Variants in GPAT4 observed in about 807,000 individuals in gnomAD.
GPAT4 encodes 1-AGP acyltransferase 6.
GPAT4 carries 17 observed loss-of-function variants against 58.0 expected under a neutral mutation model. The ratio of observed to expected loss-of-function variants is 0.29; its 90% CI spans 0.20 to 0.44. The LOEUF (loss-of-function observed/expected upper bound fraction) is 0.44, where lower values mean the gene tolerates loss of function less well. GPAT4 is among the 20% of genes least tolerant of loss of function. GPAT4 has a pLI of 1.00. For synonymous variants in GPAT4, 204 were observed against 210.1 expected (o/e 0.97, Z 0.25); for missense variants, 377 against 574.5 (o/e 0.66, Z 3.51).
intron 5 of GPAT4, among the ~76,000 whole-genome samples, chr8:41,611,568 C>T (rs367927842): frequency 1.3e-5 from 2 of 152,184 alleles, no homozygotes; most frequent in Non-Finnish European, 2.9e-5. Context: ...TCTGCCTGGG[C>T]GGGTGAGGAG....
chr8:41,620,997 C>T lies in GPAT4; in HGVS notation c.1367C>T (p.Ser456Phe). Residue 456 changes from serine (S) to phenylalanine (F), a missense_variant, in exon 13 of 13, where the codon TCC becomes TTC. Ser to Phe is a radical substitution (Grantham distance 155). Coordinates refer to ENST00000396987, the MANE Select transcript of GPAT4 (RefSeq NM_178819.4). ...GGGAACCACAAGGACAGGAGCCGCT[C>T]CTGAGCCTGCCTCCAGCTGGCTGGG... Reference protein sequence around the residue: ...IVGNHKDRSRS With the variant: ...IVGNHKDRSRF 1 of 1,550,958 alleles carries T rather than the reference C, an allele frequency of 6.4e-7. No individual in the cohort carries two copies. The highest frequency in any genetic ancestry group is 8.7e-7 in the Non-Finnish European group (1 of 1,147,032).
intron 1 of GPAT4, among the ~76,000 whole-genome samples, chr8:41,580,835 A>G (rs1006382486): frequency 6.6e-6 from 1 of 152,162 alleles, no homozygotes; most frequent in Non-Finnish European, 1.5e-5. Context: ...TTGTGTGTCT[A>G]TTTTGTGTTT....
chr8:41,618,548 C>G, intron 10 of GPAT4, 136 bp from the exon 11 acceptor site: 1 of 1,111,074 alleles, frequency 9.0e-7, no homozygotes, highest in Non-Finnish European at 1.3e-6. Flanking sequence ...GGGGCTTCCA[C>G]AGTACTCATG....
intron 1 of GPAT4, among the ~76,000 whole-genome samples, chr8:41,588,113 G>A (rs964165637): frequency 6.6e-6 from 1 of 152,190 alleles, no homozygotes; most frequent in African/African-American, 2.4e-5. Flanking sequence ...TAGGACTGAA[G>A]ACTGAGTTTC....
intron 2 of GPAT4, among the ~76,000 whole-genome samples, chr8:41,601,190 C>T (rs189750529): frequency 8.9e-4 from 135 of 151,996 alleles, no homozygotes; most frequent in African/African-American, 3.1e-3. Context: ...ACTCAGAGAG[C>T]GATCTGGAGA....
chr8:41,578,989 TGAGG>T (rs1309366215), intron 1 of GPAT4, among the ~76,000 whole-genome samples: 4 of 152,184 alleles, frequency 2.6e-5, no homozygotes, highest in African/African-American at 9.7e-5. Flanking sequence ...TGGATAACCT[TGAGG>T]TCATTTGAGG....
At chr8:41,579,450 A>G (rs1438063173) in intron 1 of GPAT4, among the ~76,000 whole-genome samples, 1 of 152,250 alleles carries the variant, frequency 6.6e-6, no homozygotes, top group Non-Finnish European at 1.5e-5. Flanking sequence ...TTGTTTTGGA[A>G]CACAGCCTAC....
rs918101788 is a variant in GPAT4 at position 41,624,484 on chromosome 8, A to C, written c.*3483A>C. ...GCTTGCTAGTGTCCCCTGATGCATG[A>C]AGGATCCCCCCATGTCATAGGTCCC... On this transcript the variant is annotated 3_prime_UTR_variant, in exon 13 of 13. Transcript: ENST00000396987. The C allele has an allele frequency of 1.3e-5, 2 of 152,132 alleles. No homozygotes were observed. The highest frequency in any genetic ancestry group is 2.9e-5 in the Non-Finnish European group (2 of 68,012). The allele number at this position is 152,132 out of a possible 1,614,324, so 9.4% of individuals were successfully genotyped here.
intron 1 of GPAT4, chr8:41,584,811 T>C (rs1166320164): frequency 6.6e-6 from 1 of 152,182 alleles, no homozygotes; most frequent in African/African-American, 2.4e-5. Context: ...GTGAACTTGG[T>C]ACCAGTGCCG....
intron 2 of GPAT4, among the ~76,000 whole-genome samples, chr8:41,607,962 C>CAAA (rs1803329159): frequency 1.3e-5 from 2 of 152,192 alleles, no homozygotes; most frequent in African/African-American, 2.4e-5. Flanking sequence ...TGCCCCTTTT[C>CAAA]ACCTCTTCTC....
intron 1 of GPAT4, among the ~76,000 whole-genome samples, chr8:41,580,782 A>G (rs1039001890): frequency 6.6e-6 from 1 of 152,198 alleles, no homozygotes; most frequent in African/African-American, 2.4e-5. Flanking sequence ...TGTCATGGTA[A>G]ATCATTACCC....
intron 1 of GPAT4, among the ~76,000 whole-genome samples, chr8:41,597,284 G>A (rs1385489747): frequency 6.6e-6 from 1 of 152,126 alleles, no homozygotes; most frequent in Non-Finnish European, 1.5e-5. Context: ...TCAATTTCTT[G>A]TACTTCTAAG....
intron 1 of GPAT4, among the ~76,000 whole-genome samples, chr8:41,581,490 G>A (rs1802505866): frequency 6.6e-6 from 1 of 152,080 alleles, no homozygotes; most frequent in South Asian, 2.1e-4. Context: ...CTTGATCTGT[G>A]GCTCAGGCTG....
chr8:41,594,765 T>TC (rs977646110), intron 1 of GPAT4, among the ~76,000 whole-genome samples: 1 of 152,146 alleles, frequency 6.6e-6, no homozygotes, highest in African/African-American at 2.4e-5. Context: ...CAGGATGGTC[T>TC]CCATCTCCTG....
intron 6 of GPAT4, 58 bp downstream of exon 6, chr8:41,612,050 C>T: frequency 6.3e-7 from 1 of 1,597,384 alleles, no homozygotes; most frequent in South Asian, 1.1e-5. Context: ...CACCACCCAC[C>T]TATACTTAGC....
intron 1 of GPAT4, chr8:41,578,689 TCTGG>T (rs1399591219): frequency 6.6e-6 from 1 of 152,304 alleles, no homozygotes; most frequent in Non-Finnish European, 1.5e-5. Context: ...TCCTGTGTTC[TCTGG>T]CTGCCGTAAG....
At chr8:41,582,395 T>C (rs1332586196) in intron 1 of GPAT4, among the ~76,000 whole-genome samples, 1 of 151,768 alleles carries the variant, frequency 6.6e-6, no homozygotes, top group African/African-American at 2.4e-5. Flanking sequence ...ATCTAAGCCC[T>C]TTCTGCTGTA....
intron 1 of GPAT4, among the ~76,000 whole-genome samples, chr8:41,588,728 A>C (rs1183192855): frequency 2.0e-5 from 3 of 152,240 alleles, no homozygotes; most frequent in Non-Finnish European, 4.4e-5. Flanking sequence ...TGAATGAACT[A>C]GTCACTCCAA....
At chr8:41,587,193 C>G (rs1453967438) in intron 1 of GPAT4, among the ~76,000 whole-genome samples, 1 of 152,172 alleles carries the variant, frequency 6.6e-6, no homozygotes, top group East Asian at 1.9e-4. Context: ...TCTCATTTGC[C>G]CCCAGTATGC....
Sources: gnomAD v4.1 joint callset for allele counts (sites outside exome capture counted in the v4.1 genomes callset) on GRCh38, gnomAD v4.1.1 for gene constraint, MANE v1.5 for transcripts, NCBI Gene and HGNC (gene_info 2026-07-23, HGNC 2026-07-21) for gene names.